Variants in MYLK4 observed in about 807,000 individuals in gnomAD.
MYLK4 encodes the protein myosin light chain kinase family member 4, also known as caMLCK like.
In MYLK4, 46 loss-of-function variants were observed where a neutral mutation model predicts 48.1. The observed-to-expected ratio is 0.96, with a 90% CI of 0.75 to 1.22. MYLK4 has a LOEUF of 1.22. Ranked by LOEUF, MYLK4 falls within the 50% of genes most tolerant of loss-of-function variation. MYLK4 has a pLI of 0.00. For missense variants in MYLK4, 451 were observed against 486.1 expected, an observed-to-expected ratio of 0.93 and a Z score of 0.68; for synonymous variants, 170 against 180.8, an observed-to-expected ratio of 0.94 and a Z score of 0.48.
At chr6:2,743,937 G>A (rs1561882933) in intron 2 of MYLK4, 1 of 398,636 alleles carries the variant, frequency 2.5e-6, no homozygotes, top group Non-Finnish European at 4.4e-6. Context: ...TGGCCTCCCC[G>A]GGTCATCACG....
chr6:2,764,193 T>G, the MYLK4 span, among the ~76,000 whole-genome samples: 1 of 152,258 alleles, frequency 6.6e-6, no homozygotes, highest in East Asian at 1.9e-4. Context: ...GATTAAAGTT[T>G]AACTTGTTTC....
the MYLK4 span, among the ~76,000 whole-genome samples, chr6:2,762,703 T>C: frequency 6.6e-6 from 1 of 152,328 alleles, no homozygotes; most frequent in Admixed American, 6.5e-5. Flanking sequence ...GCATAGACCC[T>C]CACGGAAACT....
At chr6:2,742,700 A>G (rs1472179385) in intron 2 of MYLK4, among the ~76,000 whole-genome samples, 1 of 129,080 alleles carries the variant, frequency 7.7e-6, no homozygotes, top group East Asian at 2.5e-4. Context: ...GGGGAACATC[A>G]CACTCTGGGG....
the MYLK4 span, among the ~76,000 whole-genome samples, chr6:2,763,324 C>T: frequency 2.0e-5 from 3 of 152,240 alleles, no homozygotes; most frequent in Non-Finnish European, 4.4e-5. Context: ...GCTAGTCCCA[C>T]GTAATGAGCC....
chr6:2,701,421 T>A (rs1423916601), intron 2 of MYLK4, among the ~76,000 whole-genome samples: 1 of 152,102 alleles, frequency 6.6e-6, no homozygotes, highest in East Asian at 1.9e-4. Context: ...CGAGGTGTGG[T>A]CCCCTGGACT....
At chr6:2,769,391 CAA>C in the MYLK4 span, among the ~76,000 whole-genome samples, 1 of 151,742 alleles carries the variant, frequency 6.6e-6, no homozygotes, top group Non-Finnish European at 1.5e-5. Context: ...TTTTTATAAA[CAA>C]AGCCACTTAG....
At chr6:2,690,767 T>G (rs765477515) in intron 3 of MYLK4, among the ~76,000 whole-genome samples, 14 of 151,554 alleles carry the variant, frequency 9.2e-5, no homozygotes, top group Non-Finnish European at 1.8e-4. Flanking sequence ...CTTCCTTTCC[T>G]TAGAGAGAAA....
At chr6:2,753,026 A>C (rs1316493036), upstream of MYLK4, among the ~76,000 whole-genome samples, 1 of 152,240 alleles carries the variant, frequency 6.6e-6, no homozygotes, top group East Asian at 1.9e-4. Context: ...AATGTTCTGC[A>C]TGCTTAAAGA....
chr6:2,742,863 T>TATA (rs1763946686), intron 2 of MYLK4, among the ~76,000 whole-genome samples: 1 of 151,890 alleles, frequency 6.6e-6, no homozygotes. Flanking sequence ...AAACTTAAAG[T>TATA]ATAATAATAA....
chr6:2,675,146 T>C (rs774722123), intron 10 of MYLK4, 21 bp from the exon 11 acceptor site: 2 of 1,591,126 alleles, frequency 1.3e-6, no homozygotes, highest in South Asian at 1.1e-5. Context: ...ATTCAGAAGG[T>C]GATTAGTAGA....
intron 2 of MYLK4, among the ~76,000 whole-genome samples, chr6:2,694,497 G>GTGC (rs1328087006): frequency 2.1e-5 from 1 of 48,418 alleles, no homozygotes; most frequent in Non-Finnish European, 4.5e-5. Context: ...GGTCATGGTG[G>GTGC]TGGTGGTGGT....
chr6:2,708,880 T>G (rs1161419335), intron 2 of MYLK4, among the ~76,000 whole-genome samples: 2 of 152,222 alleles, frequency 1.3e-5, no homozygotes, highest in Non-Finnish European at 2.9e-5. Context: ...TTGAAAAAGT[T>G]TAACCTCCCT....
the MYLK4 span, among the ~76,000 whole-genome samples, chr6:2,763,463 C>T: frequency 6.6e-6 from 1 of 152,216 alleles, no homozygotes; most frequent in African/African-American, 2.4e-5. Flanking sequence ...CAGGCCTGAG[C>T]CTTGCGCTGC....
chr6:2,687,831 T>C (rs1247506045), intron 4 of MYLK4, among the ~76,000 whole-genome samples: 2 of 152,224 alleles, frequency 1.3e-5, no homozygotes, highest in Non-Finnish European at 2.9e-5. Flanking sequence ...GTGCTTTCCT[T>C]GTGTTGGTGA....
At chr6:2,766,076 G>A in the MYLK4 span, 1 of 1,297,430 alleles carries the variant, frequency 7.7e-7, no homozygotes, top group Non-Finnish European at 9.7e-7. Flanking sequence ...GGCGGGGAGC[G>A]CGTCTCCGCG....
intron 1 of MYLK4, 135 bp from the exon 2 acceptor site, chr6:2,749,541 C>T: frequency 2.9e-6 from 1 of 344,824 alleles, no homozygotes; most frequent in Non-Finnish European, 5.3e-6. Flanking sequence ...AAAAGAAATA[C>T]TAACATTCAT....
At chr6:2,768,672 T>C in the MYLK4 span, 21 of 1,583,238 alleles carry the variant, frequency 1.3e-5, no homozygotes, top group East Asian at 2.7e-4. Flanking sequence ...TCAAACTCCA[T>C]GTATGTCATC....
chr6:2,694,491 ATGGTGG>A lies in MYLK4; in HGVS notation c.160-1638_160-1633del, dbSNP rs1215791355. Among the ~76,000 whole-genome samples the A allele has an allele frequency of 5.4e-3, 13 of 2,388 alleles. 1 individual carries two copies. The highest frequency in any genetic ancestry group is 0.017 in the African/African-American group (11 of 632). The allele number at this position is 2,388 out of a possible 152,430, so 1.6% of individuals were successfully genotyped here. A position where few individuals can be genotyped will look rare whatever the true frequency, so the allele number is the denominator to read the frequency against. On this transcript the variant is annotated intron_variant, in intron 2 of 12. Transcript: ENST00000274643. Reference sequence around the variant, plus strand: ...GATGATGATGATGATGGTAGTGGTCATGGTGGTGGTGGTGGTGGTGGCGGTGGTGGT... The same window carrying A: ...GATGATGATGATGATGGTAGTGGTCATGGTGGTGGTGGTGGCGGTGGTGGT...
At chr6:2,753,834 C>T (rs1424151464), upstream of MYLK4, among the ~76,000 whole-genome samples, 1 of 151,932 alleles carries the variant, frequency 6.6e-6, no homozygotes, top group African/African-American at 2.4e-5. Context: ...CATCATTTCA[C>T]ACCCACTAGG....
Sources: gnomAD v4.1 joint callset for allele counts (sites outside exome capture counted in the v4.1 genomes callset) on GRCh38, gnomAD v4.1.1 for gene constraint, MANE v1.5 for transcripts, NCBI Gene and HGNC (gene_info 2026-07-23, HGNC 2026-07-21) for gene names.